CAMKMT: variants seen among roughly 807,000 people sequenced by gnomAD.
CAMKMT encodes the protein calmodulin-lysine N-methyltransferase.
CAMKMT carries 53 observed loss-of-function variants against 48.0 expected under a neutral mutation model. The observed-to-expected ratio is 1.10, with a 90% CI of 0.89 to 1.39. The LOEUF is 1.39. Ranked by LOEUF, CAMKMT falls within the 40% of genes most tolerant of loss-of-function variation. The pLI is 0.00. For missense variants in CAMKMT, 428 were observed against 402.7 expected, an observed-to-expected ratio of 1.06 and a Z score of -0.54; for synonymous variants, 165 against 152.3, an observed-to-expected ratio of 1.08 and a Z score of -0.61.
At chr2:44,527,531 G>A (rs1366235249) in intron 3 of CAMKMT, among the ~76,000 whole-genome samples, 1 of 148,992 alleles carries the variant, frequency 6.7e-6, no homozygotes, top group African/African-American at 2.5e-5. Flanking sequence ...TGGGATTATA[G>A]ACACAAGCTA....
intron 3 of CAMKMT, among the ~76,000 whole-genome samples, chr2:44,581,914 G>A (rs372702989): frequency 2.8e-4 from 43 of 152,328 alleles, no homozygotes; most frequent in African/African-American, 9.4e-4. Context: ...CAGATGAATC[G>A]CTTGAACCAT....
intron 3 of CAMKMT, among the ~76,000 whole-genome samples, chr2:44,563,511 A>G (rs1217204356): frequency 6.6e-6 from 1 of 151,726 alleles, no homozygotes; most frequent in South Asian, 2.1e-4. Context: ...TCTAGGGTAC[A>G]TGTGCACAAC....
At chr2:44,636,759 A>C (rs886541853) in intron 3 of CAMKMT, among the ~76,000 whole-genome samples, 2 of 152,190 alleles carry the variant, frequency 1.3e-5, no homozygotes, top group Non-Finnish European at 2.9e-5. Flanking sequence ...ACATAAACTC[A>C]TTTTACCAAT....
At chr2:44,549,263 C>T (rs1238353709) in intron 3 of CAMKMT, among the ~76,000 whole-genome samples, 1 of 152,188 alleles carries the variant, frequency 6.6e-6, no homozygotes, top group African/African-American at 2.4e-5. Flanking sequence ...CTGTCCACTT[C>T]TTTGGGCTCT....
rs536666161 is a variant in CAMKMT at position 44,567,718 on chromosome 2, A to G, written c.377-136565A>G. 3.9e-5 allele frequency among the ~76,000 whole-genome samples: 6 copies of G among 152,274 alleles called. No homozygotes were observed. In the South Asian group the frequency reaches 1.0e-3, roughly 26 times the overall value. On this transcript the variant is annotated intron_variant, in intron 3 of 10. Coordinates refer to ENST00000378494, the MANE Select transcript of CAMKMT (RefSeq NM_024766.5). ...TCCTTGTCAGGTTTCTTCTGCAGTT[A>G]TGTCTTGTCCTGTCACGTCCTGCTA...
Position 44,385,331 on chromosome 2 carries a change from T to C in CAMKMT, c.312-4910T>C, listed in dbSNP as rs528966532. 7.2e-5 allele frequency among the ~76,000 whole-genome samples: 11 copies of C among 152,310 alleles called. No individual in the cohort carries two copies. In the East Asian group the frequency reaches 2.1e-3, roughly 29 times the overall value. On this transcript the variant is annotated intron_variant, in intron 2 of 10. Transcript: ENST00000378494. The stretch of plus-strand genomic sequence containing the variant: ...ACTATTGATTTGTGTACATTAACCT[T>C]GTATTTGGAAATTTTGCTGAATTCT...
In CAMKMT at chr2:44,657,052, G is replaced by A. The variant is rs1477826843; in HGVS notation, c.377-47231G>A. On this transcript the variant is annotated intron_variant, in intron 3 of 10. Coordinates refer to ENST00000378494, the MANE Select transcript of CAMKMT (RefSeq NM_024766.5). The surrounding 1 kb of genome is among the most constrained non-coding windows in gnomAD (Gnocchi z 4.3). ...AATCCAGACTGGGTCACATTAATGT[G>A]TTTAACAGGTTGTTTCAGATATCCT... Among the ~76,000 whole-genome samples, 1 of 152,176 alleles carries A rather than the reference G, an allele frequency of 6.6e-6. No individual in the cohort carries two copies. Among genetic ancestry groups the A allele is most frequent in the Non-Finnish European group, 1.5e-5 (1 of 68,022 alleles).
chr2:44,689,093 T>G (rs535834678), intron 3 of CAMKMT, among the ~76,000 whole-genome samples: 5 of 152,250 alleles, frequency 3.3e-5, no homozygotes, highest in Non-Finnish European at 7.4e-5. Flanking sequence ...GGGAAGAAGC[T>G]CACTTTTGCT....
Position 44,439,438 on chromosome 2 carries a change from C to T in CAMKMT, c.376+49133C>T, listed in dbSNP as rs13339839. 4.0e-4 allele frequency among the ~76,000 whole-genome samples: 61 copies of T among 152,216 alleles called. 1 individual carries two copies. Among genetic ancestry groups the T allele is most frequent in the African/African-American group, 1.4e-3 (58 of 41,520 alleles). ...TCCAATCTAGTTGTTGTTCCACTTC[C>T]CTGCCACCCACCTCCTCTTTTGATT... On this transcript the variant is annotated intron_variant, in intron 3 of 10. Coordinates refer to ENST00000378494, the MANE Select transcript of CAMKMT (RefSeq NM_024766.5).
chr2:44,640,298 C>T (rs1038851733), intron 3 of CAMKMT, among the ~76,000 whole-genome samples: 11 of 152,186 alleles, frequency 7.2e-5, no homozygotes, highest in African/African-American at 2.6e-4. Flanking sequence ...GAAATATCAC[C>T]TATGATTTTG....
At chr2:44,392,709 T>C (rs1057459483) in intron 3 of CAMKMT, among the ~76,000 whole-genome samples, 1 of 151,864 alleles carries the variant, frequency 6.6e-6, no homozygotes, top group African/African-American at 2.4e-5. Context: ...AATTCAAAAA[T>C]ACAAAAAAAT....
intron 3 of CAMKMT, among the ~76,000 whole-genome samples, chr2:44,650,340 G>A (rs1673990441): frequency 6.6e-6 from 1 of 152,084 alleles, no homozygotes; most frequent in Admixed American, 6.5e-5. Context: ...TGGACGAGGG[G>A]CCCACTGTAC....
chr2:44,756,507 C>T (rs189110698), intron 9 of CAMKMT, among the ~76,000 whole-genome samples: 9 of 151,784 alleles, frequency 5.9e-5, no homozygotes, highest in East Asian at 1.9e-4. Flanking sequence ...TTTGGGAGGC[C>T]GAGGCGGGCG....
Position 44,603,289 on chromosome 2 carries a change from C to T in CAMKMT, c.377-100994C>T, listed in dbSNP as rs888020829. 3.9e-5 allele frequency among the ~76,000 whole-genome samples: 6 copies of T among 152,164 alleles called. 1 individual carries two copies. Among genetic ancestry groups the T allele is most frequent in the African/African-American group, 1.2e-4 (5 of 41,486 alleles). On this transcript the variant is annotated intron_variant, in intron 3 of 10. Coordinates refer to ENST00000378494, the MANE Select transcript of CAMKMT (RefSeq NM_024766.5). ...TTTTTTTAGTAGAGACAGGGTTTCA[C>T]CATGTTGGCCAGGCTGGTCTTGAAC...
At chr2:44,408,207 A>G (rs1443745563) in intron 3 of CAMKMT, among the ~76,000 whole-genome samples, 1 of 151,682 alleles carries the variant, frequency 6.6e-6, no homozygotes, top group Non-Finnish European at 1.5e-5. Context: ...TGTATTTTTA[A>G]TAAAGATGGG....
At chr2:44,640,496 ACT>A (rs1360875529) in intron 3 of CAMKMT, among the ~76,000 whole-genome samples, 4 of 152,040 alleles carry the variant, frequency 2.6e-5, no homozygotes, top group Admixed American at 2.0e-4. Flanking sequence ...TGGCTTTGCC[ACT>A]CTCTGGCTGT....
chr2:44,689,158 C>T lies in CAMKMT; in HGVS notation c.377-15125C>T, dbSNP rs1410366194. 8.5e-5 allele frequency among the ~76,000 whole-genome samples: 13 copies of T among 152,258 alleles called. No homozygotes were observed. The East Asian group carries it at 2.5e-3, about 29-fold the overall frequency. Reference sequence around the variant, plus strand: ...TCTGTGTTCGGGATGTGGCTGAACACCTAAGACAGGGAACAATAACAATTA... The same window carrying T: ...TCTGTGTTCGGGATGTGGCTGAACATCTAAGACAGGGAACAATAACAATTA... On this transcript the variant is annotated intron_variant, in intron 3 of 10. Transcript: ENST00000378494.
intron 3 of CAMKMT, among the ~76,000 whole-genome samples, chr2:44,490,503 G>A (rs1669442504): frequency 1.3e-5 from 2 of 152,064 alleles, no homozygotes; most frequent in African/African-American, 2.4e-5. Flanking sequence ...TCGAACTCCC[G>A]ACCTCAGGTG....
intron 3 of CAMKMT, among the ~76,000 whole-genome samples, chr2:44,408,735 A>C (rs538307428): frequency 1.3e-5 from 2 of 150,966 alleles, no homozygotes; most frequent in Non-Finnish European, 1.5e-5. Context: ...CCTATGTTAA[A>C]TTTAATTAAT....
Sources: gnomAD v4.1 joint callset for allele counts (sites outside exome capture counted in the v4.1 genomes callset) on GRCh38, gnomAD v4.1.1 for gene constraint, Gnocchi (gnomAD v3.1) non-coding constraint, MANE v1.5 for transcripts, NCBI Gene and HGNC (gene_info 2026-07-23, HGNC 2026-07-21) for gene names.